Variants in MAK16 observed in about 807,000 individuals in gnomAD.
The protein encoded by MAK16 is MAK16 homolog.
Under a neutral mutation model 49.9 loss-of-function variants are expected in MAK16, and 12 were observed. That is an observed-to-expected ratio of 0.24 (90% CI 0.15 to 0.39). The LOEUF (loss-of-function observed/expected upper bound fraction) is 0.39. Ranked by LOEUF, MAK16 falls within the 10% of genes least tolerant of loss-of-function variation. The pLI is 1.00. For missense variants in MAK16, 292 were observed against 363.7 expected (o/e 0.80, Z 1.60); for synonymous variants, 115 against 126.4 (o/e 0.91, Z 0.60).
chr8:33,486,290 T>C (rs1039112535), intron 1 of MAK16, among the ~76,000 whole-genome samples: 7 of 152,188 alleles, frequency 4.6e-5, no homozygotes, highest in Non-Finnish European at 7.3e-5. Context: ...CAGTGGCTCA[T>C]GCCTGTAATC....
At position 33,497,300 on chromosome 8, in the gene MAK16, G is replaced by C; in HGVS notation, c.705+3G>C. ...AGAGTGACATAAGTGATTTTGAGGTGAGCTTTATGGGTAAAAAGATTGTCC... is the reference window on the plus strand; with the variant it reads ...AGAGTGACATAAGTGATTTTGAGGTCAGCTTTATGGGTAAAAAGATTGTCC... On this transcript the variant is annotated splice_donor_region_variant and intron_variant, in intron 9 of 9. Transcript: ENST00000360128. 6.5e-7 allele frequency: 1 copy of C among 1,549,056 alleles called. No individual in the cohort carries two copies. Among genetic ancestry groups the C allele is most frequent in the Non-Finnish European group, 8.9e-7 (1 of 1,127,010 alleles).
Position 33,498,790 on chromosome 8 carries a change from T to A in MAK16, c.*161T>A. On this transcript the variant is annotated 3_prime_UTR_variant, in exon 10 of 10. Transcript: ENST00000360128. The stretch of plus-strand genomic sequence containing the variant: ...TATGCCACGTCAGTGGGGCAAGAAA[T>A]CTGGAGTGAGTGAAGAAAGCTAAGT... 1 of 669,476 alleles carries A rather than the reference T, an allele frequency of 1.5e-6. No homozygotes were observed. The highest frequency in any genetic ancestry group is 2.0e-5 in the South Asian group (1 of 49,560). The allele number at this position is 669,476 out of a possible 1,614,324, so 41.5% of individuals were successfully genotyped here.
At position 33,488,530 on chromosome 8, in the gene MAK16, CAG is replaced by C. The variant is rs1808722969; in HGVS notation, c.79_80del (p.Ser27LeufsTer5). 6.2e-7 allele frequency: 1 copy of C among 1,614,034 alleles called. No homozygotes were observed. Reference sequence around the variant, plus strand: ...TTTCTCCCATTCTAGAACCAAGACTCAGAGCTTCTGCCGAAATGAATATAGCC... The same window carrying C: ...TTTCTCCCATTCTAGAACCAAGACTCAGCTTCTGCCGAAATGAATATAGCC... ...FCSFKIRTKT[Q>X]SFCRNEYSLT... is the part of the protein sequence containing the mutation. On this transcript the variant is annotated frameshift_variant, in exon 3 of 10. Coordinates refer to ENST00000360128, the MANE Select transcript of MAK16 (RefSeq NM_032509.4). LOFTEE classifies it high-confidence loss of function.
At chr8:33,491,783 G>A (rs1808783801) in intron 6 of MAK16, among the ~76,000 whole-genome samples, 1 of 148,542 alleles carries the variant, frequency 6.7e-6, no homozygotes. Context: ...ACAGGTGCAT[G>A]CCACCATGCC....
At chr8:33,497,641 T>G (rs1585318004) in intron 9 of MAK16, among the ~76,000 whole-genome samples, 1 of 152,022 alleles carries the variant, frequency 6.6e-6, no homozygotes, top group East Asian at 2.0e-4. Context: ...TACAGGCATG[T>G]GCCACTCCAC....
rs1809013381 is a variant in MAK16, at chr8:33,500,153, T to C, written c.*1524T>C. ...AATGGTTCTGAATAGCTTTAAAAGA[T>C]GAATAAGAAAAAAGATCAAGCTCTT... On this transcript the variant is annotated 3_prime_UTR_variant, in exon 10 of 10. Coordinates refer to ENST00000360128, the MANE Select transcript of MAK16 (RefSeq NM_032509.4). The C allele has an allele frequency of 1.8e-5, 12 of 665,726 alleles. No individual in the cohort carries two copies. The South Asian group carries it at 2.3e-4, about 13-fold the overall frequency. 41.2% of individuals were successfully genotyped at this position (665,726 alleles called of 1,614,324 possible). A position where few individuals can be genotyped will look rare whatever the true frequency, so the allele number is the denominator to read the frequency against.
chr8:33,490,993 G>A (rs114280462), intron 6 of MAK16, among the ~76,000 whole-genome samples: 2,511 of 151,994 alleles, frequency 0.017, 78 homozygotes, highest in African/African-American at 0.057. Flanking sequence ...GAGTTCAATT[G>A]TTTTGATTTT....
intron 6 of MAK16, among the ~76,000 whole-genome samples, chr8:33,493,510 A>C (rs544024383): frequency 2.0e-5 from 3 of 152,352 alleles, no homozygotes; most frequent in African/African-American, 7.2e-5. Context: ...TAGTGAAACA[A>C]AAGTCTGCTT....
In MAK16 at chr8:33,499,156, G is replaced by A; in HGVS notation, c.*527G>A. The A allele has an allele frequency of 1.3e-6, 2 of 1,593,776 alleles. No individual in the cohort carries two copies. Among genetic ancestry groups the A allele is most frequent in the South Asian group, 1.1e-5 (1 of 90,706 alleles). On this transcript the variant is annotated 3_prime_UTR_variant, in exon 10 of 10. Transcript: ENST00000360128. Reference sequence around the variant, plus strand: ...ATGGGAAGAAAATCCTTTCCTCTTGGGAAAGTAATACAAGTCTTAAGTTCC... The same window carrying A: ...ATGGGAAGAAAATCCTTTCCTCTTGAGAAAGTAATACAAGTCTTAAGTTCC...
intron 1 of MAK16, among the ~76,000 whole-genome samples, chr8:33,487,529 G>C (rs1011367534): frequency 6.6e-6 from 1 of 151,646 alleles, no homozygotes; most frequent in African/African-American, 2.4e-5. Context: ...GGGTTCAAGC[G>C]ATTCTCCTGC....
chr8:33,492,999 AT>A (rs1257028875), intron 6 of MAK16, among the ~76,000 whole-genome samples: 1 of 146,260 alleles, frequency 6.8e-6, no homozygotes, highest in African/African-American at 2.5e-5. Context: ...TTTTTTTTAT[AT>A]TTATATTTGT....
At chr8:33,494,679 A>G (rs1177954579) in intron 6 of MAK16, among the ~76,000 whole-genome samples, 1 of 152,194 alleles carries the variant, frequency 6.6e-6, no homozygotes, top group Non-Finnish European at 1.5e-5. Flanking sequence ...TTTTAAGGAA[A>G]AAGAGATATG....
At chr8:33,487,132 T>C (rs1007989017) in intron 1 of MAK16, among the ~76,000 whole-genome samples, 1 of 152,224 alleles carries the variant, frequency 6.6e-6, no homozygotes, top group Non-Finnish European at 1.5e-5. Flanking sequence ...TGTCATACTC[T>C]TACGCATGCT....
chr8:33,492,998 T>A (rs1003552070), intron 6 of MAK16, among the ~76,000 whole-genome samples: 1 of 152,026 alleles, frequency 6.6e-6, no homozygotes, highest in African/African-American at 2.4e-5. Flanking sequence ...CTTTTTTTTA[T>A]ATTTATATTT....
At chr8:33,494,045 T>A (rs1808817778) in intron 6 of MAK16, among the ~76,000 whole-genome samples, 1 of 152,146 alleles carries the variant, frequency 6.6e-6, no homozygotes, top group South Asian at 2.1e-4. Context: ...GATTGGCAAA[T>A]TTGGAATATT....
Position 33,485,389 on chromosome 8 carries a change from A to G in MAK16, c.15+168A>G, listed in dbSNP as rs1375447832. 6.8e-6 allele frequency: 6 copies of G among 877,592 alleles called. No individual in the cohort carries two copies. The South Asian group carries it at 9.1e-5, about 13-fold the overall frequency. 54.4% of individuals were successfully genotyped at this position (877,592 alleles called of 1,614,324 possible). On this transcript the variant is annotated intron_variant, in intron 1 of 9. Transcript: ENST00000360128. ...ACATAGGTTCTCACGCGTGTCTAGC[A>G]GGGGTTTACTGCCCGCTGCCCCGGC...
intron 7 of MAK16, 140 bp downstream of exon 7, chr8:33,495,756 G>A (rs564943714): frequency 9.8e-6 from 6 of 612,948 alleles, no homozygotes; most frequent in South Asian, 8.8e-5. Flanking sequence ...TTGCTTTGTT[G>A]CCCAGGTTAG....
rs1469622956 is a variant in MAK16 at position 33,497,235 on chromosome 8, G to A, written c.643G>A (p.Val215Met). The A allele has an allele frequency of 1.2e-6, 2 of 1,608,400 alleles. No homozygotes were observed. Among genetic ancestry groups the A allele is most frequent in the African/African-American group, 2.7e-5 (2 of 74,714 alleles). Residue 215 changes from valine to methionine, a missense_variant, in exon 9 of 10, where the codon GTG becomes ATG. Transcript: ENST00000360128. ...KDDDDDDEED[V>M]GKREFVEDGE... is the part of the protein sequence containing the mutation. ...AACAGTTATGTTTTATTTATAGGATGTGGGGAAAAGAGAATTTGTCGAAGA... is the reference window on the plus strand; with the variant it reads ...AACAGTTATGTTTTATTTATAGGATATGGGGAAAAGAGAATTTGTCGAAGA...
At chr8:33,486,446 G>A (rs1370098707) in intron 1 of MAK16, among the ~76,000 whole-genome samples, 3 of 152,140 alleles carry the variant, frequency 2.0e-5, no homozygotes. Context: ...CAGTTACTTC[G>A]AAGGCTGAGG....
Sources: allele counts gnomAD v4.1 joint callset (sites outside exome capture counted in the v4.1 genomes callset), GRCh38; gene constraint gnomAD v4.1.1; transcripts MANE v1.5; gene names NCBI Gene and HGNC (gene_info 2026-07-23, HGNC 2026-07-21).